Variants in LHX2 observed in about 807,000 individuals in gnomAD.
LHX2 encodes LIM/homeobox protein Lhx2.
In LHX2, 6 loss-of-function variants were observed where a neutral mutation model predicts 33.0. The observed-to-expected ratio is 0.18, with a 90% CI of 0.10 to 0.36. The LOEUF is 0.36. LHX2 is among the 10% of genes least tolerant of loss of function. The pLI, the probability that LHX2 is intolerant of heterozygous loss-of-function variation, is 1.00. For synonymous variants in LHX2, 292 were observed against 253.1 expected, an observed-to-expected ratio of 1.15 and a Z score of -1.46; for missense variants, 442 against 586.2, an observed-to-expected ratio of 0.75 and a Z score of 2.54.
At chr9:124,028,262 G>T (rs777086254) in intron 4 of LHX2, among the ~76,000 whole-genome samples, 1 of 152,132 alleles carries the variant, frequency 6.6e-6, no homozygotes, top group Non-Finnish European at 1.5e-5. Context: ...TCTACCCAGG[G>T]CTTATTGGAG....
chr9:124,015,010 T>A lies in LHX2; in HGVS notation c.324-112T>A. The A allele has an allele frequency of 1.6e-6, 2 of 1,227,036 alleles. No individual in the cohort carries two copies. The highest frequency in any genetic ancestry group is 2.3e-6 in the Non-Finnish European group (2 of 874,240). The allele number at this position is 1,227,036 out of a possible 1,614,324, so 76.0% of individuals were successfully genotyped here. ...CCCATCCTCCAAATAAAGGCCGGGT[T>A]GTTCGTCTTGAGGAGGGGATTGCCC... On this transcript the variant is annotated intron_variant, in intron 2 of 4. Transcript: ENST00000373615. The surrounding 1 kb of genome is among the most constrained non-coding windows in gnomAD (Gnocchi z 7.9).
rs543135590 is a variant in LHX2, at chr9:124,015,675, G to A, written c.727+150G>A. 1.3e-5 allele frequency: 11 copies of A among 865,054 alleles called. No individual in the cohort carries two copies. In the South Asian group the frequency reaches 2.1e-4, roughly 16 times the overall value. The allele number at this position is 865,054 out of a possible 1,614,324, so 53.6% of individuals were successfully genotyped here. On this transcript the variant is annotated intron_variant, in intron 3 of 4. Transcript: ENST00000373615. This position sits in a 1 kb window ranked among gnomAD's most constrained non-coding sequence, Gnocchi z 7.9. ...CGCAGAAGGGACATTAGCCCCCTGG[G>A]CTTCCAGACTGTGCGTCCTCGGCTG...
chr9:124,022,265 G>C (rs1859306320), intron 4 of LHX2, among the ~76,000 whole-genome samples: 1 of 152,150 alleles, frequency 6.6e-6, no homozygotes, highest in Non-Finnish European at 1.5e-5. Flanking sequence ...GTTATCCAAG[G>C]AGCCACTGAA....
Position 124,015,416 on chromosome 9 carries a change from C to T in LHX2, c.618C>T (p.Ala206=), listed in dbSNP as rs778247825. The T allele has an allele frequency of 2.5e-6, 4 of 1,602,744 alleles. No individual in the cohort carries two copies. The highest frequency in any genetic ancestry group is 3.4e-6 in the Non-Finnish European group (4 of 1,174,566). ...AKSAGLGAAG[A]NPLGLPYYNG... ...GCGCGGGGCTGGGCGCAGCAGGGGC[C>T]AACCCTCTGGGTCTTCCCTACTACA... Residue 206 remains alanine, a synonymous_variant, in exon 3 of 5, where the codon GCC becomes GCT. Transcript: ENST00000373615. This position sits in a 1 kb window ranked among gnomAD's most constrained non-coding sequence, Gnocchi z 7.9.
chr9:124,013,116 A>G (rs1469082064), intron 1 of LHX2, among the ~76,000 whole-genome samples: 1 of 152,162 alleles, frequency 6.6e-6, no homozygotes, highest in East Asian at 1.9e-4. Flanking sequence ...CCAAATAGCC[A>G]GTTCCTCGCC....
At position 124,020,976 on chromosome 9, in the gene LHX2, T is replaced by C. The variant is rs1028304807; in HGVS notation, c.728-123T>C. The C allele has an allele frequency of 2.4e-5, 20 of 822,968 alleles. No individual in the cohort carries two copies. In the African/African-American group the frequency reaches 2.5e-4, roughly 10 times the overall value. 51.0% of individuals were successfully genotyped at this position (822,968 alleles called of 1,614,324 possible). Reference sequence around the variant, plus strand: ...AAATGGGGATGATGTCCCCCTTTCATTGTGGCGCAGACATGCAGCAGGGTT... The same window carrying C: ...AAATGGGGATGATGTCCCCCTTTCACTGTGGCGCAGACATGCAGCAGGGTT... On this transcript the variant is annotated intron_variant, in intron 3 of 4. Coordinates refer to ENST00000373615, the MANE Select transcript of LHX2 (RefSeq NM_004789.4).
chr9:124,013,054 C>G (rs1588344256), intron 1 of LHX2, among the ~76,000 whole-genome samples: 1 of 152,128 alleles, frequency 6.6e-6, no homozygotes, highest in Admixed American at 6.5e-5. Flanking sequence ...GCCTGGCCCT[C>G]GCCGAAGGAG....
intron 3 of LHX2, among the ~76,000 whole-genome samples, chr9:124,019,196 G>T (rs1275341898): frequency 6.6e-6 from 1 of 152,230 alleles, no homozygotes; most frequent in East Asian, 1.9e-4. Context: ...CAGCCCCGGG[G>T]GTGAGGGGAC....
At chr9:124,023,019 CA>C (rs1738811479) in intron 4 of LHX2, among the ~76,000 whole-genome samples, 1 of 152,240 alleles carries the variant, frequency 6.6e-6, no homozygotes, top group Non-Finnish European at 1.5e-5. Context: ...AACGTGACTA[CA>C]CTGGCTGGGG....
In LHX2 at chr9:124,028,405, G is replaced by T. The variant is rs375559538; in HGVS notation, c.934-4015G>T. ...TGAGGCATGTGAAAAGAGAAGGCCT[G>T]TCAGTTTCAGAAGATGGGTGGGTGG... On this transcript the variant is annotated intron_variant, in intron 4 of 4. Coordinates refer to ENST00000373615, the MANE Select transcript of LHX2 (RefSeq NM_004789.4). Among the ~76,000 whole-genome samples, 6 of 152,202 alleles carry T rather than the reference G, an allele frequency of 3.9e-5. No homozygotes were observed. The East Asian group carries it at 9.6e-4, about 24-fold the overall frequency.
rs1386122497 is a variant in LHX2 at position 124,015,566 on chromosome 9, G to A, written c.727+41G>A. The A allele has an allele frequency of 6.9e-7, 1 of 1,444,926 alleles. No individual in the cohort carries two copies. The highest frequency in any genetic ancestry group is 9.1e-7 in the Non-Finnish European group (1 of 1,096,124). 89.5% of individuals were successfully genotyped at this position (1,444,926 alleles called of 1,614,324 possible). A position where few individuals can be genotyped will look rare whatever the true frequency, so the allele number is the denominator to read the frequency against. On this transcript the variant is annotated intron_variant, in intron 3 of 4. Transcript: ENST00000373615. This position sits in a 1 kb window ranked among gnomAD's most constrained non-coding sequence, Gnocchi z 7.9. Reference sequence around the variant, plus strand: ...ACGAAGCGCCCCCATAGGGTTGGGGGAAAGTGTGCGGCCTCGACGGCCGGG... The same window carrying A: ...ACGAAGCGCCCCCATAGGGTTGGGGAAAAGTGTGCGGCCTCGACGGCCGGG...
intron 3 of LHX2, among the ~76,000 whole-genome samples, chr9:124,018,644 C>T (rs1859238834): frequency 6.6e-6 from 1 of 152,148 alleles, no homozygotes; most frequent in East Asian, 1.9e-4. Flanking sequence ...CCACAAGCTG[C>T]GCCTGTTTCC....
At chr9:124,024,548 A>G (rs1165837745) in intron 4 of LHX2, among the ~76,000 whole-genome samples, 1 of 152,224 alleles carries the variant, frequency 6.6e-6, no homozygotes, top group Non-Finnish European at 1.5e-5. Context: ...CTGATGCCTT[A>G]TCTATGAAAT....
rs1828714027 is a variant in LHX2 at position 124,032,457 on chromosome 9, A to C, written c.971A>C (p.Asn324Thr). The C allele has an allele frequency of 6.2e-7, 1 of 1,603,322 alleles. No homozygotes were observed. The highest frequency in any genetic ancestry group is 1.1e-5 in the South Asian group (1 of 90,870). ...FQNARAKFRR[N>T]LLRQENTGVD... is the part of the protein sequence containing the mutation. ...AACGCCCGAGCCAAGTTCAGGCGCA[A>C]CCTCTTACGGCAGGAAAACACGGGC... The change falls in exon 5 of 5, where the codon AAC (asparagine) becomes ACC (threonine). Residue 324 changes from asparagine to threonine, a missense_variant. Transcript: ENST00000373615. This position sits in a 1 kb window ranked among gnomAD's most constrained non-coding sequence, Gnocchi z 4.1.
intron 4 of LHX2, among the ~76,000 whole-genome samples, chr9:124,030,631 T>TC (rs10632251): frequency 1.3e-4 from 7 of 54,020 alleles, no homozygotes; most frequent in Middle Eastern, 7.9e-3. Context: ...TCTTTTCTTT[T>TC]TTTTTTTTTT....
intron 3 of LHX2, among the ~76,000 whole-genome samples, chr9:124,018,187 A>C (rs1366357560): frequency 6.6e-6 from 1 of 151,872 alleles, no homozygotes; most frequent in Admixed American, 6.6e-5. Context: ...AGAGCTCGAA[A>C]CCCGATGGGT....
intron 1 of LHX2, among the ~76,000 whole-genome samples, chr9:124,013,632 C>G (rs908179201): frequency 2.6e-5 from 4 of 152,260 alleles, no homozygotes; most frequent in Non-Finnish European, 5.9e-5. Flanking sequence ...GAGTAGCTGT[C>G]CTGGTCCCTA....
In LHX2 at chr9:124,032,389, C is replaced by T. The variant is rs375483145; in HGVS notation, c.934-31C>T. 4 of 1,547,104 alleles carry T rather than the reference C, an allele frequency of 2.6e-6. No homozygotes were observed. In the African/African-American group the frequency reaches 4.0e-5, roughly 16 times the overall value. On this transcript the variant is annotated intron_variant, in intron 4 of 4. Coordinates refer to ENST00000373615, the MANE Select transcript of LHX2 (RefSeq NM_004789.4). This position sits in a 1 kb window ranked among gnomAD's most constrained non-coding sequence, Gnocchi z 4.1. ...GGGGGGATGCTCTGCCTGCCTTCCG[C>T]TCACCAGCCCTTCCCTGTCGTCCCC...
chr9:124,018,926 A>G (rs2118759424), intron 3 of LHX2, among the ~76,000 whole-genome samples: 1 of 152,012 alleles, frequency 6.6e-6, no homozygotes, highest in South Asian at 2.1e-4. Context: ...CCTTGGGCCC[A>G]TGGGGGCGCC....
Sources: allele counts gnomAD v4.1 joint callset (sites outside exome capture counted in the v4.1 genomes callset), GRCh38; gene constraint gnomAD v4.1.1; non-coding constraint Gnocchi (gnomAD v3.1); transcripts MANE v1.5; gene names NCBI Gene and HGNC (gene_info 2026-07-23, HGNC 2026-07-21).